The following BRD10 variants were observed in gnomAD, a reference collection of about 807,000 sequenced individuals.
BRD10 encodes the protein bromodomain containing 10.
the BRD10 span, among the ~76,000 whole-genome samples, chr9:5,949,455 C>T: frequency 6.6e-6 from 1 of 152,090 alleles, no homozygotes; most frequent in Admixed American, 6.6e-5. Context: ...ATTTCTTATC[C>T]CTTAGTTTCT....
At chr9:5,990,702 C>A in the BRD10 span, among the ~76,000 whole-genome samples, 1 of 152,034 alleles carries the variant, frequency 6.6e-6, no homozygotes, top group African/African-American at 2.4e-5. Flanking sequence ...TTCTCTCTCA[C>A]CAACATGTAA....
chr9:5,989,196 C>A, the BRD10 span, among the ~76,000 whole-genome samples: 31 of 140,008 alleles, frequency 2.2e-4, no homozygotes, highest in African/African-American at 7.7e-4. Context: ...CACATCACTG[C>A]ACTCCAGCCT....
the BRD10 span, chr9:5,988,552 G>A: frequency 3.7e-6 from 6 of 1,608,798 alleles, no homozygotes; most frequent in East Asian, 6.7e-5. Flanking sequence ...GTGCCTTGGA[G>A]AAGAATAAGT....
At chr9:5,964,387 A>T in the BRD10 span, among the ~76,000 whole-genome samples, 6 of 152,194 alleles carry the variant, frequency 3.9e-5, no homozygotes, top group African/African-American at 1.4e-4. Context: ...AATGGCAATC[A>T]TTCAAAAGTC....
the BRD10 span, among the ~76,000 whole-genome samples, chr9:5,956,473 C>T: frequency 2.6e-5 from 4 of 152,096 alleles, no homozygotes; most frequent in Non-Finnish European, 5.9e-5. Context: ...CATACAAGAC[C>T]TTGAGCAAAC....
At chr9:5,971,256 A>ATT in the BRD10 span, among the ~76,000 whole-genome samples, 4 of 152,182 alleles carry the variant, frequency 2.6e-5, no homozygotes, top group African/African-American at 9.7e-5. Context: ...AAAGACAGAT[A>ATT]GTAGTAACAA....
chr9:5,920,505 T>C, the BRD10 span: 1 of 1,614,008 alleles, frequency 6.2e-7, no homozygotes, highest in Non-Finnish European at 8.5e-7. Context: ...GCTTGCTGAT[T>C]TGGCAGAGAA....
the BRD10 span, chr9:6,007,961 C>A: frequency 5.4e-6 from 7 of 1,293,862 alleles, no homozygotes; most frequent in Admixed American, 2.9e-4. Flanking sequence ...TTGAGCTCAC[C>A]GCCGGCGGGG....
At chr9:6,006,708 A>C in the BRD10 span, among the ~76,000 whole-genome samples, 1 of 152,242 alleles carries the variant, frequency 6.6e-6, no homozygotes, top group Non-Finnish European at 1.5e-5. Flanking sequence ...GTAACACTCC[A>C]TAAATCTTCG....
chr9:5,917,287 T>C, the BRD10 span, among the ~76,000 whole-genome samples: 1 of 152,316 alleles, frequency 6.6e-6, no homozygotes, highest in African/African-American at 2.4e-5. Context: ...TAACACGTAA[T>C]AAGAACCTGT....
the BRD10 span, among the ~76,000 whole-genome samples, chr9:5,973,107 T>C: frequency 6.6e-6 from 1 of 152,208 alleles, no homozygotes; most frequent in Non-Finnish European, 1.5e-5. Flanking sequence ...TTTACATAGA[T>C]ATGGCATAAA....
the BRD10 span, among the ~76,000 whole-genome samples, chr9:5,932,894 CTT>C: frequency 6.6e-6 from 1 of 152,164 alleles, no homozygotes; most frequent in Non-Finnish European, 1.5e-5. Context: ...ATCTCTAAGA[CTT>C]ATTTTAACTT....
At chr9:5,969,307 C>T in the BRD10 span, 22,210 of 1,613,616 alleles carry the variant, frequency 0.014, 1,104 homozygotes, top group African/African-American at 0.12. Flanking sequence ...AAAGGAAATG[C>T]CCAATAGCTG....
chr9:5,922,938 A>C, the BRD10 span: 1 of 1,613,996 alleles, frequency 6.2e-7, no homozygotes, highest in South Asian at 1.1e-5. Flanking sequence ...TGATTTGTTA[A>C]GGTCACTTTA....
the BRD10 span, among the ~76,000 whole-genome samples, chr9:5,900,609 A>T: frequency 6.6e-6 from 1 of 152,196 alleles, no homozygotes; most frequent in South Asian, 2.1e-4. Flanking sequence ...CTCCACCTTT[A>T]ACAATCTTCA....
the BRD10 span, among the ~76,000 whole-genome samples, chr9:5,942,075 A>G: frequency 1.3e-5 from 2 of 152,260 alleles, no homozygotes; most frequent in South Asian, 4.1e-4. Context: ...CCATTATCAT[A>G]GATAATGAAT....
chr9:5,895,899 G>A, the BRD10 span, among the ~76,000 whole-genome samples: 1 of 152,224 alleles, frequency 6.6e-6, no homozygotes, highest in Admixed American at 6.5e-5. Flanking sequence ...ATAAAGTGCT[G>A]TAACAGAGCT....
chr9:5,988,086 T>C, the BRD10 span, among the ~76,000 whole-genome samples: 28 of 152,210 alleles, frequency 1.8e-4, no homozygotes, highest in African/African-American at 6.8e-4. Context: ...AAACTTATAA[T>C]TCACTTGAGA....
At chr9:5,951,714 AAAAT>A in the BRD10 span, among the ~76,000 whole-genome samples, 1 of 152,214 alleles carries the variant, frequency 6.6e-6, no homozygotes, top group Non-Finnish European at 1.5e-5. Context: ...CACACTACAT[AAAAT>A]TATTTTGAGA....
Sources: gnomAD v4.1 joint callset for allele counts (sites outside exome capture counted in the v4.1 genomes callset) on GRCh38, gnomAD v4.1.1 for gene constraint, MANE v1.5 for transcripts, NCBI Gene and HGNC (gene_info 2026-07-23, HGNC 2026-07-21) for gene names.